SORBS2: variants seen among roughly 807,000 people sequenced by gnomAD.
SORBS2 encodes the protein sorbin and SH3 domain containing 2.
In SORBS2, 46 loss-of-function variants were observed where a neutral mutation model predicts 97.7. The observed-to-expected ratio is 0.47, with a 90% CI of 0.37 to 0.60. SORBS2 has a LOEUF of 0.60. Ranked by LOEUF, SORBS2 falls within the 20% of genes least tolerant of loss-of-function variation. The pLI, the probability that SORBS2 is intolerant of heterozygous loss-of-function variation, is 0.00. For missense variants in SORBS2, 1,316 were observed against 1,282.3 expected (o/e 1.03, Z -0.40); for synonymous variants, 476 against 473.4 (o/e 1.01, Z -0.07).
chr4:185,705,018 C>T (rs749312391), intron 2 of SORBS2, among the ~76,000 whole-genome samples: 13 of 152,142 alleles, frequency 8.5e-5, no homozygotes, highest in African/African-American at 2.2e-4. Context: ...GGCAGATAAA[C>T]GTGAGAGAAA....
chr4:185,757,932 A>G (rs1424125730), intron 2 of SORBS2, among the ~76,000 whole-genome samples: 2 of 152,236 alleles, frequency 1.3e-5, no homozygotes, highest in Admixed American at 6.5e-5. Flanking sequence ...TGCTGATACA[A>G]TCTGGTGAGC....
At chr4:185,793,001 A>G (rs191409611) in intron 1 of SORBS2, among the ~76,000 whole-genome samples, 1 of 152,324 alleles carries the variant, frequency 6.6e-6, no homozygotes, top group East Asian at 1.9e-4. Context: ...GTGAATAGTC[A>G]ATGAGAGGTA....
At chr4:185,825,879 G>A (rs181575991) in intron 1 of SORBS2, among the ~76,000 whole-genome samples, 20 of 152,186 alleles carry the variant, frequency 1.3e-4, no homozygotes, top group Admixed American at 6.5e-4. Flanking sequence ...TGATTTTCTC[G>A]GTTGCGATGA....
chr4:185,858,404 T>G (rs2099221885), intron 1 of SORBS2, among the ~76,000 whole-genome samples: 1 of 152,206 alleles, frequency 6.6e-6, no homozygotes, highest in Admixed American at 6.5e-5. Flanking sequence ...TGGTATTCTA[T>G]TAGAACAACA....
At chr4:185,765,505 T>C (rs192552856) in intron 2 of SORBS2, among the ~76,000 whole-genome samples, 264 of 152,266 alleles carry the variant, frequency 1.7e-3, no homozygotes, top group Non-Finnish European at 2.8e-3. Context: ...ACATAAAAAA[T>C]TGTAAGGGGA....
chr4:185,882,183 T>G (rs1199499334), intron 1 of SORBS2, among the ~76,000 whole-genome samples: 1 of 152,182 alleles, frequency 6.6e-6, no homozygotes, highest in Non-Finnish European at 1.5e-5. Context: ...ATAATATGAT[T>G]GTCTGCATAG....
intron 2 of SORBS2, among the ~76,000 whole-genome samples, chr4:185,768,640 A>G (rs957641845): frequency 6.7e-6 from 1 of 150,100 alleles, no homozygotes; most frequent in African/African-American, 2.5e-5. Flanking sequence ...CGGAGGTTGC[A>G]GTGAGCCAAG....
chr4:185,784,113 C>A (rs1277036449), intron 1 of SORBS2, among the ~76,000 whole-genome samples: 1 of 152,060 alleles, frequency 6.6e-6, no homozygotes, highest in Non-Finnish European at 1.5e-5. Context: ...ACTAACCTCC[C>A]GAGAAGAGGG....
intron 2 of SORBS2, among the ~76,000 whole-genome samples, chr4:185,709,069 G>A (rs573958751): frequency 6.6e-6 from 1 of 152,324 alleles, no homozygotes; most frequent in Admixed American, 6.5e-5. Flanking sequence ...CCAGGCTGGA[G>A]TGCAGTGGCG....
chr4:185,717,914 A>C (rs1271012631), intron 2 of SORBS2, among the ~76,000 whole-genome samples: 1 of 152,214 alleles, frequency 6.6e-6, no homozygotes, highest in Non-Finnish European at 1.5e-5. Flanking sequence ...TACAGTAAGC[A>C]CTTGATAGGA....
In SORBS2 at chr4:185,599,718, C is replaced by T. The variant is rs77299299; in HGVS notation, c.2797-5783G>A. ...AGACAGATGTAGACCACAAAACACA[C>T]GACACTCTTATTTGTAGAGTAGAGA... On this transcript the variant is annotated intron_variant, in intron 12 of 14. Transcript: ENST00000418609. Among the ~76,000 whole-genome samples, 537 of 152,284 alleles carry T rather than the reference C, an allele frequency of 3.5e-3. 3 individuals carry two copies. The highest frequency in any genetic ancestry group is 0.012 in the African/African-American group (509 of 41,560).
Position 185,704,946 on chromosome 4 carries a change from A to G in SORBS2, c.-197-26124T>C, listed in dbSNP as rs73873312. On this transcript the variant is annotated intron_variant, in intron 2 of 20. Coordinates refer to the SORBS2 transcript ENST00000284776. ...AGTTATACTGTTGCTTCACTTTCCCATAACAGCAATGGATCCGAAATGGAT... is the reference window on the plus strand; with the variant it reads ...AGTTATACTGTTGCTTCACTTTCCCGTAACAGCAATGGATCCGAAATGGAT... Among the ~76,000 whole-genome samples the G allele has an allele frequency of 7.5e-3, 1,148 of 152,344 alleles. 15 individuals are homozygous for G. The highest frequency in any genetic ancestry group is 0.026 in the African/African-American group (1,092 of 41,574).
chr4:185,837,855 A>C (rs2099209016), intron 1 of SORBS2, among the ~76,000 whole-genome samples: 2 of 151,862 alleles, frequency 1.3e-5, no homozygotes, highest in Non-Finnish European at 2.9e-5. Flanking sequence ...AAAAAAAAAA[A>C]ACCCACATTG....
At chr4:185,609,453 C>T (rs1017407631) in intron 12 of SORBS2, among the ~76,000 whole-genome samples, 2 of 152,192 alleles carry the variant, frequency 1.3e-5, no homozygotes, top group African/African-American at 2.4e-5. Flanking sequence ...TACGCTGTGC[C>T]GTCACCACCA....
intron 1 of SORBS2, among the ~76,000 whole-genome samples, chr4:185,822,347 C>T (rs2099197279): frequency 1.3e-5 from 2 of 152,178 alleles, no homozygotes; most frequent in Non-Finnish European, 2.9e-5. Context: ...TTGTTGGTAA[C>T]CAAAAGATCC....
In SORBS2 at chr4:185,708,805, C is replaced by T. The variant is rs138000171; in HGVS notation, c.-197-29983G>A. Among the ~76,000 whole-genome samples, 43 of 152,280 alleles carry T rather than the reference C, an allele frequency of 2.8e-4. No individual in the cohort carries two copies. The East Asian group carries it at 7.1e-3, about 25-fold the overall frequency. On this transcript the variant is annotated intron_variant, in intron 2 of 20. Transcript: ENST00000284776. Reference sequence around the variant, plus strand: ...AGGCCCACAAAAGGTGGCTCTGAAACGTGGAGCGCCTTTCCAAGATCCAAA... The same window carrying T: ...AGGCCCACAAAAGGTGGCTCTGAAATGTGGAGCGCCTTTCCAAGATCCAAA...
At chr4:185,887,094 G>A (rs559868657) in intron 1 of SORBS2, among the ~76,000 whole-genome samples, 4 of 152,308 alleles carry the variant, frequency 2.6e-5, no homozygotes, top group South Asian at 2.1e-4. Flanking sequence ...AGCTGTCTGC[G>A]GGGAAGCCGG....
chr4:185,593,237 C>A (rs116632052), intron 13 of SORBS2: 2,252 of 152,512 alleles, frequency 0.015, 53 homozygotes, highest in African/African-American at 0.052. Context: ...GAACGTCTCT[C>A]AGGGACAAAA....
At chr4:185,708,171 T>C (rs2098374157) in intron 2 of SORBS2, among the ~76,000 whole-genome samples, 1 of 152,202 alleles carries the variant, frequency 6.6e-6, no homozygotes, top group African/African-American at 2.4e-5. Context: ...CCAGGGGAGA[T>C]GTTCTTAGAT....
Sources: allele counts gnomAD v4.1 joint callset (sites outside exome capture counted in the v4.1 genomes callset), GRCh38; gene constraint gnomAD v4.1.1; transcripts MANE v1.5; gene names NCBI Gene and HGNC (gene_info 2026-07-23, HGNC 2026-07-21).